NUP210: variants seen among roughly 807,000 people sequenced by gnomAD.
NUP210 encodes the protein nucleoporin 210, also known as nuclear pore membrane glycoprotein 210.
Under a neutral mutation model 196.0 loss-of-function variants are expected in NUP210, and 151 were observed. The observed-to-expected ratio is 0.77, with a 90% CI of 0.67 to 0.88. The LOEUF is 0.88. NUP210 is among the 40% of genes least tolerant of loss of function. NUP210 has a pLI of 0.00. For synonymous variants in NUP210, 1,070 were observed against 1,052.7 expected (o/e 1.02, Z -0.32); for missense variants, 2,314 against 2,493.7 (o/e 0.93, Z 1.53).
At chr3:13,326,073 C>A (rs778782272) in intron 32 of NUP210, 142 bp from the exon 33 acceptor site, 34 of 1,069,928 alleles carry the variant, frequency 3.2e-5, no homozygotes, top group Non-Finnish European at 4.3e-5. Flanking sequence ...CAGGAGACAG[C>A]CACGCTGCCT....
In NUP210 at chr3:13,377,470, C is replaced by A. The variant is rs762489834; in HGVS notation, c.1138G>T (p.Val380Phe). The part of the protein sequence containing the change: ...IEVFDKFSNK[V>F]YVSDNIRIET... ...CAGGCACTCACGTCAGATACATAGA[C>A]CTTGTTGCTGAACTTGTCAAAAACT... Residue 380 changes from valine (V) to phenylalanine (F), a missense_variant, in exon 9 of 40, where the codon GTC becomes TTC. By Grantham distance (50) the Val-to-Phe change is conservative (BLOSUM62 -1). Transcript: ENST00000254508. The A allele has an allele frequency of 1.9e-6, 3 of 1,613,174 alleles. No individual in the cohort carries two copies. The highest frequency in any genetic ancestry group is 1.7e-6 in the Non-Finnish European group (2 of 1,179,238).
At chr3:13,408,948 G>C (rs917535267) in intron 1 of NUP210, among the ~76,000 whole-genome samples, 2 of 152,166 alleles carry the variant, frequency 1.3e-5, no homozygotes, top group African/African-American at 4.8e-5. Context: ...GACGGCTGCT[G>C]AGACTGAGCT....
chr3:13,405,972 T>C (rs1699989793), intron 1 of NUP210, among the ~76,000 whole-genome samples: 1 of 152,220 alleles, frequency 6.6e-6, no homozygotes, highest in African/African-American at 2.4e-5. Context: ...TTAAGTGTTT[T>C]AGGAAAAACA....
chr3:13,369,317 C>A (rs568203554), intron 13 of NUP210, among the ~76,000 whole-genome samples: 6 of 152,238 alleles, frequency 3.9e-5, no homozygotes, highest in African/African-American at 1.4e-4. Flanking sequence ...CTTTACATAT[C>A]CTAGATATTA....
chr3:13,392,812 G>T (rs1699533780), intron 3 of NUP210, among the ~76,000 whole-genome samples: 1 of 152,214 alleles, frequency 6.6e-6, no homozygotes, highest in Non-Finnish European at 1.5e-5. Flanking sequence ...TGGCTTAGCA[G>T]TGTGCTCAGT....
chr3:13,341,097 G>A (rs1697468014), intron 23 of NUP210: 1 of 152,314 alleles, frequency 6.6e-6, no homozygotes, highest in Admixed American at 6.5e-5. Context: ...GATGCAGGGT[G>A]GATGCTGGCA....
At chr3:13,351,262 A>G (rs1324761149) in intron 20 of NUP210, among the ~76,000 whole-genome samples, 2 of 152,242 alleles carry the variant, frequency 1.3e-5, no homozygotes, top group Non-Finnish European at 2.9e-5. Context: ...AAAATAGAGA[A>G]AGGTGAGACA....
Position 13,323,267 on chromosome 3 carries a change from T to G in NUP210, c.4768+42A>C. On this transcript the variant is annotated intron_variant, in intron 34 of 39. Coordinates refer to ENST00000254508, the MANE Select transcript of NUP210 (RefSeq NM_024923.4). The surrounding 1 kb of genome is among the most constrained non-coding windows in gnomAD (Gnocchi z 4.3). ...AGGACACAGGAAGCCACCTCCCCGC[T>G]CCCAGGTACTCTGAAGACAGCCCAA... The G allele has an allele frequency of 6.2e-7, 1 of 1,611,430 alleles. No individual in the cohort carries two copies. The highest frequency in any genetic ancestry group is 8.5e-7 in the Non-Finnish European group (1 of 1,178,428).
chr3:13,410,866 T>C (rs143663761), intron 1 of NUP210, among the ~76,000 whole-genome samples: 33,783 of 142,770 alleles, frequency 0.24, 6,091 homozygotes, highest in African/African-American at 0.52. Context: ...GGCAGTGAGC[T>C]GAAATGGCAC....
At chr3:13,412,085 A>G (rs1700191629) in intron 1 of NUP210, among the ~76,000 whole-genome samples, 1 of 143,414 alleles carries the variant, frequency 7.0e-6, no homozygotes, top group Non-Finnish European at 1.5e-5. Context: ...ACAGGCTCTC[A>G]CTCTGTTGCC....
At chr3:13,377,947 C>T (rs551566494) in intron 8 of NUP210, among the ~76,000 whole-genome samples, 16 of 150,946 alleles carry the variant, frequency 1.1e-4, no homozygotes, top group Non-Finnish European at 1.8e-4. Context: ...CTACACCACC[C>T]ACCTGGAGGC....
chr3:13,373,910 C>A, intron 11 of NUP210, 37 bp from the exon 12 acceptor site: 1 of 1,606,406 alleles, frequency 6.2e-7, no homozygotes, highest in Non-Finnish European at 8.5e-7. Flanking sequence ...CAGCCACCCA[C>A]CCTTAGCCTG....
chr3:13,374,297 C>A (rs1276765135), intron 11 of NUP210, among the ~76,000 whole-genome samples: 5 of 152,192 alleles, frequency 3.3e-5, no homozygotes, highest in Non-Finnish European at 4.4e-5. Context: ...CATACATTCA[C>A]CTACTCCCAC....
intron 15 of NUP210, among the ~76,000 whole-genome samples, chr3:13,359,047 A>G (rs1698282290): frequency 6.6e-6 from 1 of 152,168 alleles, no homozygotes; most frequent in South Asian, 2.1e-4. Context: ...GCCCATCTTG[A>G]GGTAGCACCC....
In NUP210 at chr3:13,321,629, C is replaced by T. The variant is rs1461259761; in HGVS notation, c.5122G>A (p.Glu1708Lys). The T allele has an allele frequency of 3.7e-6, 6 of 1,614,018 alleles. No individual in the cohort carries two copies. Among genetic ancestry groups the T allele is most frequent in the South Asian group, 1.1e-5 (1 of 91,078 alleles). The change falls in exon 36 of 40, where the codon GAG becomes AAG. Residue 1708 changes from glutamate (E) to lysine (K), a missense_variant. Coordinates refer to ENST00000254508, the MANE Select transcript of NUP210 (RefSeq NM_024923.4). ...ILLSNHYTSS[E>K]IRVFGAPEVL... ...TCCGGGGCACCAAAGACCCTGATCT[C>T]GGAACTGGTGTAGTGGTTGCTCAAA...
At chr3:13,335,837 C>T (rs528036322) in intron 27 of NUP210, among the ~76,000 whole-genome samples, 3 of 152,354 alleles carry the variant, frequency 2.0e-5, no homozygotes, top group Admixed American at 6.5e-5. Flanking sequence ...CTGCCTGCAT[C>T]GCACAACATG....
intron 13 of NUP210, among the ~76,000 whole-genome samples, chr3:13,366,840 T>C (rs1698555987): frequency 6.6e-6 from 1 of 151,540 alleles, no homozygotes; most frequent in African/African-American, 2.4e-5. Context: ...AAATATTTAA[T>C]TCAGCCAGGC....
At chr3:13,351,485 C>T (rs1446472575) in intron 20 of NUP210, among the ~76,000 whole-genome samples, 2 of 152,046 alleles carry the variant, frequency 1.3e-5, no homozygotes, top group Admixed American at 6.5e-5. Flanking sequence ...TGATTAAGTG[C>T]CAGCTTTTTT....
At chr3:13,411,208 G>A (rs908825801) in intron 1 of NUP210, among the ~76,000 whole-genome samples, 1 of 152,150 alleles carries the variant, frequency 6.6e-6, no homozygotes, top group African/African-American at 2.4e-5. Flanking sequence ...CTGCAGCCTG[G>A]GTGATAGAGC....
Sources: allele counts gnomAD v4.1 joint callset (sites outside exome capture counted in the v4.1 genomes callset), GRCh38; gene constraint gnomAD v4.1.1; non-coding constraint Gnocchi (gnomAD v3.1); transcripts MANE v1.5; gene names NCBI Gene and HGNC (gene_info 2026-07-23, HGNC 2026-07-21).